XXYLT1: variants seen among roughly 807,000 people sequenced by gnomAD.
XXYLT1 encodes the protein UDP-xylose:alpha-xyloside alpha-1,3-xylosyltransferase.
XXYLT1 carries 20 observed loss-of-function variants against 28.9 expected under a neutral mutation model. The observed-to-expected ratio is 0.69, with a 90% CI of 0.49 to 1.00. XXYLT1 has a LOEUF of 1.00. XXYLT1 is among the 50% of genes least tolerant of loss of function. The pLI, the probability that XXYLT1 is intolerant of heterozygous loss-of-function variation, is 0.00. For synonymous variants in XXYLT1, 257 were observed against 253.8 expected (o/e 1.01, Z -0.12); for missense variants, 542 against 560.1 (o/e 0.97, Z 0.33).
intron 1 of XXYLT1, among the ~76,000 whole-genome samples, chr3:195,254,692 T>C (rs904755207): frequency 1.3e-5 from 2 of 152,164 alleles, no homozygotes; most frequent in Non-Finnish European, 2.9e-5. Context: ...ATGCTAAAGC[T>C]GGGCACAGCC....
intron 3 of XXYLT1, among the ~76,000 whole-genome samples, chr3:195,081,304 G>A (rs2108647625): frequency 6.6e-6 from 1 of 152,302 alleles, no homozygotes; most frequent in African/African-American, 2.4e-5. Context: ...TACAACAGGT[G>A]GCATAGCAAT....
Position 195,247,549 on chromosome 3 carries a change from G to A in XXYLT1, c.505-20693C>T, listed in dbSNP as rs114146603. On this transcript the variant is annotated intron_variant, in intron 1 of 3. Transcript: ENST00000310380. The stretch of plus-strand genomic sequence containing the variant: ...GCCGGCCTCTCTTGAAACTGGCATT[G>A]AGCCCCAGTTCCGAATGGCCCCCCA... Among the ~76,000 whole-genome samples the A allele has an allele frequency of 7.2e-3, 1,104 of 152,290 alleles. 9 individuals are homozygous for A. The highest frequency in any genetic ancestry group is 0.025 in the African/African-American group (1,043 of 41,564).
Position 195,209,756 on chromosome 3 carries a change from C to G in XXYLT1, c.652+16953G>C, listed in dbSNP as rs955758351. ...GGAGGCCGGGCCCACACCCTGCAGC[C>G]CACTCTCTCTGGAGGCCCAGCTATC... On this transcript the variant is annotated intron_variant, in intron 2 of 3. Coordinates refer to ENST00000310380, the MANE Select transcript of XXYLT1 (RefSeq NM_152531.5). The surrounding 1 kb of genome is among the most constrained non-coding windows in gnomAD (Gnocchi z 5.0). 2.0e-5 allele frequency: 3 copies of G among 152,660 alleles called. No homozygotes were observed. Among genetic ancestry groups the G allele is most frequent in the Admixed American group, 6.5e-5 (1 of 15,282 alleles). 9.5% of individuals were successfully genotyped at this position (152,660 alleles called of 1,614,324 possible). A position where few individuals can be genotyped will look rare whatever the true frequency, so the allele number is the denominator to read the frequency against.
intron 3 of XXYLT1, among the ~76,000 whole-genome samples, chr3:195,108,244 G>A (rs923850625): frequency 5.9e-5 from 9 of 152,210 alleles, no homozygotes; most frequent in African/African-American, 1.9e-4. Context: ...GTTACAACCA[G>A]CTAGGCATAA....
intron 1 of XXYLT1, among the ~76,000 whole-genome samples, chr3:195,252,782 G>A (rs1725321961): frequency 6.6e-6 from 1 of 150,836 alleles, no homozygotes; most frequent in Non-Finnish European, 1.5e-5. Context: ...TTTATTGTGT[G>A]AAAAAAACAG....
intron 3 of XXYLT1, among the ~76,000 whole-genome samples, chr3:195,136,532 C>G (rs910529270): frequency 6.6e-6 from 1 of 152,146 alleles, no homozygotes; most frequent in African/African-American, 2.4e-5. Flanking sequence ...CAAGCGGCCC[C>G]GGGTGAACGC....
chr3:195,088,317 C>T (rs1327381853), intron 3 of XXYLT1, among the ~76,000 whole-genome samples: 2 of 149,696 alleles, frequency 1.3e-5, no homozygotes. Flanking sequence ...AGTGGTTCTC[C>T]CAGCACGCAG....
chr3:195,070,850 G>A (rs201265806), intron 3 of XXYLT1, among the ~76,000 whole-genome samples: 1 of 137,056 alleles, frequency 7.3e-6, no homozygotes, highest in Non-Finnish European at 1.6e-5. Context: ...AGCCATGTAG[G>A]ATGATGTCTA....
intron 3 of XXYLT1, among the ~76,000 whole-genome samples, chr3:195,075,330 G>A (rs947060372): frequency 4.6e-5 from 7 of 152,198 alleles, no homozygotes; most frequent in South Asian, 2.1e-4. Context: ...ATAGAGCCAC[G>A]GTCTACCAGA....
chr3:195,109,208 G>C (rs56380592), intron 3 of XXYLT1, among the ~76,000 whole-genome samples: 4,204 of 152,226 alleles, frequency 0.028, 164 homozygotes, highest in African/African-American at 0.095. Context: ...TTTTATGAAG[G>C]AGGGCACAGG....
At chr3:195,088,696 GAGA>G (rs753041421) in intron 3 of XXYLT1, among the ~76,000 whole-genome samples, 2 of 141,834 alleles carry the variant, frequency 1.4e-5, no homozygotes, top group East Asian at 2.2e-4. Context: ...GACGAGCTGA[GAGA>G]AGAAGGCTTC....
rs1054316108 is a variant in XXYLT1, at chr3:195,257,125, G to C, written c.504+13430C>G. ...GCTTGAGGCCTCTGTAAGCGGCCAAGGACGCCATGTCCCGCAAGTCTGAGC... is the reference window on the plus strand; with the variant it reads ...GCTTGAGGCCTCTGTAAGCGGCCAACGACGCCATGTCCCGCAAGTCTGAGC... On this transcript the variant is annotated intron_variant, in intron 1 of 3. Coordinates refer to ENST00000310380, the MANE Select transcript of XXYLT1 (RefSeq NM_152531.5). This position sits in a 1 kb window ranked among gnomAD's most constrained non-coding sequence, Gnocchi z 4.3. Among the ~76,000 whole-genome samples the C allele has an allele frequency of 6.6e-6, 1 of 152,216 alleles. No homozygotes were observed. Among genetic ancestry groups the C allele is most frequent in the African/African-American group, 2.4e-5 (1 of 41,448 alleles).
intron 1 of XXYLT1, among the ~76,000 whole-genome samples, chr3:195,253,007 C>G (rs180803563): frequency 6.6e-6 from 1 of 152,114 alleles, no homozygotes; most frequent in South Asian, 2.1e-4. Context: ...CTCAAGGGAA[C>G]GTGGGAAAAT....
rs142837456 is a variant in XXYLT1, at chr3:195,180,699, C to T, written c.653-24118G>A. On this transcript the variant is annotated intron_variant, in intron 2 of 3. Transcript: ENST00000310380. This position sits in a 1 kb window ranked among gnomAD's most constrained non-coding sequence, Gnocchi z 5.8. ...CATGGGTCTGACAGCTCTGGACACA[C>T]ACAAGCAGACGGGAAAGGCGCCTGC... is the stretch of plus-strand genomic sequence containing the variant. 2.7e-3 allele frequency among the ~76,000 whole-genome samples: 414 copies of T among 152,274 alleles called. 1 individual carries two copies. The highest frequency in any genetic ancestry group is 9.6e-3 in the African/African-American group (400 of 41,570).
intron 3 of XXYLT1, among the ~76,000 whole-genome samples, chr3:195,121,329 G>A (rs1718349690): frequency 6.6e-6 from 1 of 152,192 alleles, no homozygotes; most frequent in Non-Finnish European, 1.5e-5. Context: ...ATGAGAGACG[G>A]GGTTCCCTCT....
rs372060881 is a variant in XXYLT1 at position 195,075,973 on chromosome 3, C to A, written c.786-5862G>T. Among the ~76,000 whole-genome samples the A allele has an allele frequency of 2.0e-3, 311 of 152,178 alleles. 1 individual carries two copies. Among genetic ancestry groups the A allele is most frequent in the African/African-American group, 7.2e-3 (301 of 41,540 alleles). The stretch of plus-strand genomic sequence containing the variant: ...GCTGGGGCACCGGGCCCCACAGAGA[C>A]CCTGTGGGGAGGCACACCGCAGAGG... On this transcript the variant is annotated intron_variant, in intron 3 of 3. Coordinates refer to ENST00000310380, the MANE Select transcript of XXYLT1 (RefSeq NM_152531.5).
chr3:195,256,592 G>C lies in XXYLT1; in HGVS notation c.504+13963C>G. On this transcript the variant is annotated intron_variant, in intron 1 of 3. Transcript: ENST00000310380. This position sits in a 1 kb window ranked among gnomAD's most constrained non-coding sequence, Gnocchi z 4.2. The stretch of plus-strand genomic sequence containing the variant: ...CTTCTCACCCGCACATTCAGGATGG[G>C]GTCTGGAAAGGGCATGAGCTCTGTA... 1.0e-6 allele frequency: 1 copy of C among 985,072 alleles called. No homozygotes were observed. Among genetic ancestry groups the C allele is most frequent in the African/African-American group, 1.7e-5 (1 of 57,326 alleles). The allele number at this position is 985,072 out of a possible 1,614,324, so 61.0% of individuals were successfully genotyped here.
chr3:195,081,359 CT>C (rs1433336665), intron 3 of XXYLT1, among the ~76,000 whole-genome samples: 1 of 152,232 alleles, frequency 6.6e-6, no homozygotes, highest in Non-Finnish European at 1.5e-5. Context: ...GTCCCGTCTT[CT>C]CCCTCTGTCA....
chr3:195,241,108 C>A, intron 1 of XXYLT1, among the ~76,000 whole-genome samples: 1 of 152,308 alleles, frequency 6.6e-6, no homozygotes, highest in African/African-American at 2.4e-5. Flanking sequence ...ACACCAAGGC[C>A]GACCTGAAGA....
Sources: allele counts gnomAD v4.1 joint callset (sites outside exome capture counted in the v4.1 genomes callset), GRCh38; gene constraint gnomAD v4.1.1; non-coding constraint Gnocchi (gnomAD v3.1); transcripts MANE v1.5; gene names NCBI Gene and HGNC (gene_info 2026-07-23, HGNC 2026-07-21).